The following CLSTN2 variants were observed in gnomAD, a reference collection of about 807,000 sequenced individuals.
CLSTN2 encodes the protein calsyntenin-2.
A neutral mutation model predicts 101.2 loss-of-function variants in CLSTN2; 48 were observed. The observed-to-expected ratio is 0.47, with a 90% CI of 0.38 to 0.60. CLSTN2 has a LOEUF of 0.60. Ranked by LOEUF, CLSTN2 falls within the 20% of genes least tolerant of loss-of-function variation. CLSTN2 has a pLI of 0.00. For synonymous variants in CLSTN2, 481 were observed against 463.6 expected (o/e 1.04, Z -0.48); for missense variants, 1,160 against 1,238.2 (o/e 0.94, Z 0.95).
At chr3:140,389,061 A>G (rs968856161) in intron 2 of CLSTN2, among the ~76,000 whole-genome samples, 1 of 152,128 alleles carries the variant, frequency 6.6e-6, no homozygotes, top group Non-Finnish European at 1.5e-5. Context: ...CCTTTTATAG[A>G]GTTGAATTAA....
chr3:140,509,149 G>A (rs938842330), intron 8 of CLSTN2, among the ~76,000 whole-genome samples: 1 of 152,134 alleles, frequency 6.6e-6, no homozygotes, highest in African/African-American at 2.4e-5. Context: ...TGAATGAATT[G>A]AGTGAATTTC....
At chr3:140,476,021 T>C (rs1030608667) in intron 8 of CLSTN2, among the ~76,000 whole-genome samples, 1 of 152,196 alleles carries the variant, frequency 6.6e-6, no homozygotes, top group African/African-American at 2.4e-5. Flanking sequence ...CAGCAGGAGC[T>C]CAGTCACTGC....
At chr3:140,069,644 G>A (rs1484067310) in intron 1 of CLSTN2, among the ~76,000 whole-genome samples, 1 of 152,198 alleles carries the variant, frequency 6.6e-6, no homozygotes, top group Non-Finnish European at 1.5e-5. Flanking sequence ...CTTTTACTGT[G>A]AGAAAGCTGA....
At chr3:140,019,751 T>G (rs2007270549) in intron 1 of CLSTN2, among the ~76,000 whole-genome samples, 1 of 151,972 alleles carries the variant, frequency 6.6e-6, no homozygotes, top group Non-Finnish European at 1.5e-5. Flanking sequence ...GGGTGGGATG[T>G]GGCACATTTG....
chr3:140,554,330 C>G (rs1034828875), intron 10 of CLSTN2, among the ~76,000 whole-genome samples: 6 of 152,124 alleles, frequency 3.9e-5, no homozygotes, highest in African/African-American at 1.4e-4. Flanking sequence ...AGTCCAGACA[C>G]AGAACAGAAC....
At chr3:140,490,596 G>GAAAAAA (rs71149081) in intron 8 of CLSTN2, among the ~76,000 whole-genome samples, 6 of 90,092 alleles carry the variant, frequency 6.7e-5, no homozygotes, top group Non-Finnish European at 8.4e-5. Flanking sequence ...CCTTGTCTCA[G>GAAAAAA]AAAAAAAAAA....
intron 1 of CLSTN2, among the ~76,000 whole-genome samples, chr3:140,024,667 G>A (rs546725504): frequency 6.6e-6 from 1 of 152,300 alleles, no homozygotes; most frequent in East Asian, 1.9e-4. Flanking sequence ...TGTTAGTGTT[G>A]AGTCTCACGG....
At chr3:139,984,284 C>T (rs1241818919) in intron 1 of CLSTN2, among the ~76,000 whole-genome samples, 1 of 152,168 alleles carries the variant, frequency 6.6e-6, no homozygotes, top group East Asian at 1.9e-4. Context: ...ATGGAGGCTG[C>T]AGGTGGTCAG....
chr3:139,966,029 G>T (rs545162325), intron 1 of CLSTN2, among the ~76,000 whole-genome samples: 9 of 152,268 alleles, frequency 5.9e-5, no homozygotes, highest in Non-Finnish European at 1.3e-4. Context: ...TAGAAGAACT[G>T]GGCCAGGGTC....
chr3:140,333,356 G>A (rs976219131), intron 2 of CLSTN2, among the ~76,000 whole-genome samples: 2 of 152,164 alleles, frequency 1.3e-5, no homozygotes, highest in African/African-American at 2.4e-5. Context: ...CTGGGTCTTA[G>A]CGTGTCTCTC....
rs759883271 is a variant in CLSTN2, at chr3:140,532,451, T to C, written c.1472T>C (p.Ile491Thr). The C allele has an allele frequency of 5.6e-6, 9 of 1,613,830 alleles. No individual in the cohort carries two copies. The highest frequency in any genetic ancestry group is 1.3e-5 in the African/African-American group (1 of 74,906). Residue 491 changes from isoleucine to threonine, a missense_variant, in exon 9 of 17, where the codon ATA becomes ACA. Coordinates refer to ENST00000458420, the MANE Select transcript of CLSTN2 (RefSeq NM_022131.3). ...TNDWPIHPSH[I>T]AMQLTVGACW... ...GACTGGCCCATTCATCCATCTCACA[T>C]AGCCATGCAACTCACAGTCGGCGCT...
chr3:139,952,895 C>T (rs193043092), intron 1 of CLSTN2, among the ~76,000 whole-genome samples: 1 of 152,216 alleles, frequency 6.6e-6, no homozygotes, highest in Non-Finnish European at 1.5e-5. Context: ...TTGTTTTTAC[C>T]AGGAGGTTCA....
At chr3:140,458,000 T>C (rs1293343873) in intron 6 of CLSTN2, among the ~76,000 whole-genome samples, 1 of 152,136 alleles carries the variant, frequency 6.6e-6, no homozygotes, top group African/African-American at 2.4e-5. Context: ...GGATACATGC[T>C]CTTCACATAG....
chr3:140,230,998 C>T (rs2086366634), intron 2 of CLSTN2, among the ~76,000 whole-genome samples: 1 of 152,172 alleles, frequency 6.6e-6, no homozygotes. Context: ...AGGTCTCAAA[C>T]TTGGTTTTTA....
At chr3:140,543,576 G>C (rs1299364746) in intron 9 of CLSTN2, among the ~76,000 whole-genome samples, 1 of 152,198 alleles carries the variant, frequency 6.6e-6, no homozygotes, top group Non-Finnish European at 1.5e-5. Context: ...TCCCAAGGCA[G>C]GGCAGAGAGC....
chr3:140,429,551 G>T (rs1236613421), intron 5 of CLSTN2, among the ~76,000 whole-genome samples: 1 of 152,138 alleles, frequency 6.6e-6, no homozygotes, highest in Non-Finnish European at 1.5e-5. Flanking sequence ...AGGTCATGGA[G>T]GGAGGGCCTC....
chr3:140,014,097 TG>T (rs1371917379), intron 1 of CLSTN2, among the ~76,000 whole-genome samples: 1 of 152,230 alleles, frequency 6.6e-6, no homozygotes, highest in African/African-American at 2.4e-5. Context: ...GCTGACCTAT[TG>T]GTCTGCCATT....
Position 140,173,306 on chromosome 3 carries a change from C to T in CLSTN2, c.110-2645C>T, listed in dbSNP as rs138569716. Among the ~76,000 whole-genome samples, 431 of 152,338 alleles carry T rather than the reference C, an allele frequency of 2.8e-3. 1 individual carries two copies. The highest frequency in any genetic ancestry group is 0.01 in the African/African-American group (416 of 41,586). ...AATATGATCTCTTTTGACTCCATGTCTCATATCCAGGTCACCCTGATGCAA... is the reference window on the plus strand; with the variant it reads ...AATATGATCTCTTTTGACTCCATGTTTCATATCCAGGTCACCCTGATGCAA... On this transcript the variant is annotated intron_variant, in intron 1 of 16. Transcript: ENST00000458420.
At chr3:140,261,074 C>T (rs1022888448) in intron 2 of CLSTN2, among the ~76,000 whole-genome samples, 7 of 152,072 alleles carry the variant, frequency 4.6e-5, no homozygotes, top group African/African-American at 9.7e-5. Flanking sequence ...TAGGTCTCCT[C>T]GCTATAAAGT....
Sources: gnomAD v4.1 joint callset for allele counts (sites outside exome capture counted in the v4.1 genomes callset) on GRCh38, gnomAD v4.1.1 for gene constraint, MANE v1.5 for transcripts, NCBI Gene and HGNC (gene_info 2026-07-23, HGNC 2026-07-21) for gene names.